RNF169: variants seen among roughly 807,000 people sequenced by gnomAD.
The protein encoded by RNF169 is E3 ubiquitin-protein ligase RNF169.
A neutral mutation model predicts 53.9 loss-of-function variants in RNF169; 24 were observed. The observed-to-expected ratio is 0.45, with a 90% CI of 0.32 to 0.63. RNF169 has a LOEUF of 0.63. RNF169 is among the 20% of genes least tolerant of loss of function. The probability of loss-of-function intolerance (pLI) is 0.04; values close to 1 mark genes in which losing one functional copy is unlikely to be tolerated. For missense variants in RNF169, 883 were observed against 906.2 expected, an observed-to-expected ratio of 0.97 and a Z score of 0.33; for synonymous variants, 396 against 363.5, an observed-to-expected ratio of 1.09 and a Z score of -1.02.
chr11:74,826,431 C>G (rs1008847099), intron 4 of RNF169, among the ~76,000 whole-genome samples: 3 of 152,190 alleles, frequency 2.0e-5, no homozygotes, highest in Non-Finnish European at 2.9e-5. Context: ...CACCTGGACT[C>G]TACCTTGACA....
At chr11:74,762,331 G>T (rs1006230214) in intron 1 of RNF169, among the ~76,000 whole-genome samples, 8 of 150,326 alleles carry the variant, frequency 5.3e-5, no homozygotes, top group Admixed American at 1.3e-4. Flanking sequence ...ATCCAGCTTT[G>T]TTCCGTTGCT....
chr11:74,764,186 AAT>A (rs1200719194), intron 1 of RNF169, among the ~76,000 whole-genome samples: 2 of 152,266 alleles, frequency 1.3e-5, no homozygotes, highest in African/African-American at 4.8e-5. Flanking sequence ...AAGAAAACTG[AAT>A]AATTTCTTCA....
At chr11:74,759,914 A>G (rs1430999735) in intron 1 of RNF169, among the ~76,000 whole-genome samples, 1 of 151,626 alleles carries the variant, frequency 6.6e-6, no homozygotes, top group South Asian at 2.1e-4. Context: ...CCTCTGGTAG[A>G]ATTCGGCTGT....
intron 1 of RNF169, among the ~76,000 whole-genome samples, chr11:74,774,019 A>G (rs752174250): frequency 6.6e-6 from 1 of 152,232 alleles, no homozygotes; most frequent in Non-Finnish European, 1.5e-5. Context: ...AAAGATGAGT[A>G]AGACACAAAC....
chr11:74,751,388 G>T (rs1218760541), intron 1 of RNF169, among the ~76,000 whole-genome samples: 4 of 152,176 alleles, frequency 2.6e-5, no homozygotes, highest in Non-Finnish European at 5.9e-5. Context: ...TATAGTCTGA[G>T]ATTATGGTCA....
At chr11:74,804,273 G>C in intron 2 of RNF169, among the ~76,000 whole-genome samples, 1 of 152,174 alleles carries the variant, frequency 6.6e-6, no homozygotes, top group East Asian at 1.9e-4. Context: ...GAGCTGCTAG[G>C]ATAGGCTCTG....
chr11:74,753,579 A>G (rs1200409326), intron 1 of RNF169, among the ~76,000 whole-genome samples: 3 of 152,254 alleles, frequency 2.0e-5, no homozygotes, highest in African/African-American at 7.2e-5. Flanking sequence ...TACCAGCCTA[A>G]TAGCAATTTT....
chr11:74,832,021 G>GT (rs1383959953), intron 4 of RNF169: 2 of 152,204 alleles, frequency 1.3e-5, no homozygotes, highest in Non-Finnish European at 2.9e-5. Context: ...AGACCTAAAT[G>GT]TAAGTGCTTA....
chr11:74,764,367 C>T lies in RNF169; in HGVS notation c.502+14985C>T, dbSNP rs1591390333. 2.0e-5 allele frequency among the ~76,000 whole-genome samples: 3 copies of T among 152,280 alleles called. 1 individual carries two copies. The highest frequency in any genetic ancestry group is 4.1e-4 in the South Asian group (2 of 4,824). ...TGACTAACATGTTGAAACCCTGTCT[C>T]TACTAAATACAAAAAATTAGCCGGG... is the stretch of plus-strand genomic sequence containing the variant. On this transcript the variant is annotated intron_variant, in intron 1 of 5. Coordinates refer to ENST00000299563, the MANE Select transcript of RNF169 (RefSeq NM_001098638.2).
chr11:74,821,754 G>A (rs2036014312), intron 4 of RNF169, among the ~76,000 whole-genome samples: 1 of 152,122 alleles, frequency 6.6e-6, no homozygotes, highest in Non-Finnish European at 1.5e-5. Flanking sequence ...CTTAGGGCTG[G>A]AGGAAGTGGG....
intron 4 of RNF169, among the ~76,000 whole-genome samples, chr11:74,824,739 T>C (rs1241095317): frequency 6.6e-6 from 1 of 152,228 alleles, no homozygotes; most frequent in African/African-American, 2.4e-5. Flanking sequence ...ACTTGCTTGA[T>C]ACAGGGTTGC....
chr11:74,775,539 TC>T (rs2035321089), intron 1 of RNF169, among the ~76,000 whole-genome samples: 1 of 152,208 alleles, frequency 6.6e-6, no homozygotes, highest in South Asian at 2.1e-4. Flanking sequence ...TTTTTTTCCT[TC>T]CCCAAGATTC....
chr11:74,775,685 C>T (rs2035323303), intron 1 of RNF169, among the ~76,000 whole-genome samples: 1 of 152,180 alleles, frequency 6.6e-6, no homozygotes, highest in South Asian at 2.1e-4. Context: ...ACTCATCCTT[C>T]AAGACCCAAA....
At chr11:74,811,998 A>T (rs2035882277) in intron 3 of RNF169, among the ~76,000 whole-genome samples, 1 of 152,218 alleles carries the variant, frequency 6.6e-6, no homozygotes, top group Admixed American at 6.5e-5. Context: ...CTTGATAGAG[A>T]GAGCTGACCC....
chr11:74,836,699 T>C lies in RNF169; in HGVS notation c.2096T>C (p.Leu699Pro), dbSNP rs201424095. Residue 699 changes from leucine to proline, a missense_variant, in exon 6 of 6, where the codon CTA becomes CCA. By Grantham distance (98) the Leu-to-Pro change is moderately conservative (BLOSUM62 -3). Coordinates refer to ENST00000299563, the MANE Select transcript of RNF169 (RefSeq NM_001098638.2). ...RRKGSVDQYL[L>P]RSSNMAGAK is the part of the protein sequence containing the mutation. ...AAAGGAAGTGTGGATCAGTATCTCC[T>C]ACGGTCCAGCAACATGGCCGGGGCC... is the stretch of plus-strand genomic sequence containing the variant. 6.2e-7 allele frequency: 1 copy of C among 1,611,730 alleles called. No individual in the cohort carries two copies.
intron 2 of RNF169, among the ~76,000 whole-genome samples, chr11:74,809,108 G>C (rs977514007): frequency 6.6e-6 from 1 of 151,586 alleles, no homozygotes; most frequent in African/African-American, 2.4e-5. Context: ...TTTTTTTCCT[G>C]TTTTTGTGTG....
chr11:74,753,479 G>A (rs537513024), intron 1 of RNF169, among the ~76,000 whole-genome samples: 5 of 152,340 alleles, frequency 3.3e-5, no homozygotes, highest in South Asian at 2.1e-4. Context: ...GCTTTTATGA[G>A]TGGAAACAGC....
chr11:74,841,282 G>T lies in RNF169; in HGVS notation c.*4552G>T, dbSNP rs915191977. On this transcript the variant is annotated 3_prime_UTR_variant, in exon 6 of 6. Transcript: ENST00000299563. ...TACCTGGTTATGAATTCTCAAAAGA[G>T]AAAGCAGGTCTGGGGCGGGGTGGTC... 2 of 152,204 alleles carry T rather than the reference G, an allele frequency of 1.3e-5. No homozygotes were observed. Among genetic ancestry groups the T allele is most frequent in the African/African-American group, 2.4e-5 (1 of 41,448 alleles). 9.4% of individuals were successfully genotyped at this position (152,204 alleles called of 1,614,324 possible).
chr11:74,821,193 T>TA (rs2036004996), intron 4 of RNF169, among the ~76,000 whole-genome samples: 1 of 152,160 alleles, frequency 6.6e-6, no homozygotes, highest in Admixed American at 6.5e-5. Context: ...TTCCATTTTT[T>TA]AAAAAAATAA....
Sources: gnomAD v4.1 joint callset for allele counts (sites outside exome capture counted in the v4.1 genomes callset) on GRCh38, gnomAD v4.1.1 for gene constraint, MANE v1.5 for transcripts, NCBI Gene and HGNC (gene_info 2026-07-23, HGNC 2026-07-21) for gene names.